The following HS1BP3 variants were observed in gnomAD, a reference collection of about 807,000 sequenced individuals.
The protein encoded by HS1BP3 is HCLS1-binding protein 3.
A neutral mutation model predicts 33.5 loss-of-function variants in HS1BP3; 32 were observed. The ratio of observed to expected loss-of-function variants is 0.95; its 90% confidence interval spans 0.72 to 1.28. The LOEUF is 1.28. Ranked by LOEUF, HS1BP3 falls within the 50% of genes most tolerant of loss-of-function variation. HS1BP3 has a pLI of 0.00. For synonymous variants in HS1BP3, 187 were observed against 209.2 expected (o/e 0.89, Z 0.92); for missense variants, 486 against 502.3 (o/e 0.97, Z 0.31).
intron 4 of HS1BP3, among the ~76,000 whole-genome samples, chr2:20,629,241 T>G (rs1177546425): frequency 6.6e-6 from 1 of 152,132 alleles, no homozygotes; most frequent in African/African-American, 2.4e-5. Flanking sequence ...GTCATGAACA[T>G]GGAGTCGGGT....
At chr2:20,617,804 A>G (rs1390023521), downstream of HS1BP3, 1 of 152,618 alleles carries the variant, frequency 6.6e-6, no homozygotes, top group Non-Finnish European at 1.5e-5. Context: ...ATGAAGAATT[A>G]TATCCAAGAA....
chr2:20,587,652 A>C (rs1429556301), downstream of HS1BP3, among the ~76,000 whole-genome samples: 1 of 152,240 alleles, frequency 6.6e-6, no homozygotes, highest in African/African-American at 2.4e-5. Flanking sequence ...AGGCCGAGGC[A>C]GGAGAAGGGC....
intron 3 of HS1BP3, among the ~76,000 whole-genome samples, chr2:20,595,622 C>T (rs1020412156): frequency 2.0e-5 from 3 of 152,364 alleles, no homozygotes; most frequent in East Asian, 3.9e-4. Context: ...CTCTGTGCTG[C>T]GGCCCTTCCT....
chr2:20,608,892 C>A (rs898313216), intron 2 of HS1BP3, among the ~76,000 whole-genome samples: 1 of 152,206 alleles, frequency 6.6e-6, no homozygotes, highest in Non-Finnish European at 1.5e-5. Context: ...ACTAGTCATG[C>A]ATCTCTCCTC....
At chr2:20,586,275 C>A (rs924555871) in intron 5 of HS1BP3, 1 of 152,100 alleles carries the variant, frequency 6.6e-6, no homozygotes, top group African/African-American at 2.4e-5. Context: ...ATTTTTTTGG[C>A]GGGAAAGATC....
At chr2:20,595,233 C>T (rs946163088) in intron 3 of HS1BP3, among the ~76,000 whole-genome samples, 8 of 152,134 alleles carry the variant, frequency 5.3e-5, no homozygotes, top group South Asian at 2.1e-4. Flanking sequence ...CCCACAGAAA[C>T]GCCATGGCCC....
At chr2:20,639,206 TCACTC>T (rs1268479764) in intron 3 of HS1BP3, among the ~76,000 whole-genome samples, 2 of 152,172 alleles carry the variant, frequency 1.3e-5, no homozygotes, top group East Asian at 3.9e-4. Context: ...CAAACGGTAA[TCACTC>T]CATTACAAAC....
chr2:20,609,498 G>A (rs994815337), intron 2 of HS1BP3, among the ~76,000 whole-genome samples: 1 of 152,110 alleles, frequency 6.6e-6, no homozygotes, highest in East Asian at 1.9e-4. Flanking sequence ...ACAGTTTTCC[G>A]AATACTGAGG....
intron 6 of HS1BP3, among the ~76,000 whole-genome samples, chr2:20,621,802 T>A (rs56203116): frequency 0.17 from 25,934 of 152,290 alleles, 2,486 homozygotes; most frequent in Non-Finnish European, 0.21. Context: ...TCAGCCACGG[T>A]GGGAGGCAGC....
At chr2:20,628,416 C>T (rs1037399206) in intron 4 of HS1BP3, among the ~76,000 whole-genome samples, 4 of 152,056 alleles carry the variant, frequency 2.6e-5, no homozygotes, top group South Asian at 2.1e-4. Context: ...AAAAAGTTTA[C>T]GGGAGGCCAG....
chr2:20,611,047 T>A lies in HS1BP3; in HGVS notation c.179-12782A>T, dbSNP rs1463547950. Reference sequence around the variant, plus strand: ...TTTCTAGGGTTTCATATATGTGGGATCATACAAGATATAGTTTTGGGGTCT... The same window carrying A: ...TTTCTAGGGTTTCATATATGTGGGAACATACAAGATATAGTTTTGGGGTCT... On this transcript the variant is annotated intron_variant, in intron 2 of 3. Transcript: ENST00000415264. This position sits in a 1 kb window ranked among gnomAD's most constrained non-coding sequence, Gnocchi z 4.9. 1.3e-5 allele frequency among the ~76,000 whole-genome samples: 2 copies of A among 152,238 alleles called. No individual in the cohort carries two copies. The highest frequency in any genetic ancestry group is 4.8e-5 in the African/African-American group (2 of 41,470).
chr2:20,599,305 G>A (rs962618756), intron 2 of HS1BP3, among the ~76,000 whole-genome samples: 11 of 152,230 alleles, frequency 7.2e-5, no homozygotes, highest in African/African-American at 2.7e-4. Flanking sequence ...CTGGAGCAGG[G>A]AAGTACATCC....
At chr2:20,615,530 C>T (rs528185676), downstream of HS1BP3, among the ~76,000 whole-genome samples, 207 of 152,360 alleles carry the variant, frequency 1.4e-3, no homozygotes, top group African/African-American at 4.6e-3. Context: ...AGGCTCTGAG[C>T]ATTGACTATG....
intron 2 of HS1BP3, among the ~76,000 whole-genome samples, chr2:20,609,950 C>T (rs953909940): frequency 1.3e-5 from 2 of 152,208 alleles, no homozygotes; most frequent in South Asian, 4.1e-4. Context: ...TGGGGGCTAT[C>T]ACCAAAGGTG....
At chr2:20,582,996 C>G (rs71435579) in intron 5 of HS1BP3, among the ~76,000 whole-genome samples, 1 of 152,190 alleles carries the variant, frequency 6.6e-6, no homozygotes, top group African/African-American at 2.4e-5. Flanking sequence ...TCCTCACACC[C>G]TGGGCCTACC....
intron 3 of HS1BP3, among the ~76,000 whole-genome samples, chr2:20,595,894 G>A (rs1693932139): frequency 6.6e-6 from 1 of 152,218 alleles, no homozygotes; most frequent in Non-Finnish European, 1.5e-5. Flanking sequence ...AGGAGACAGA[G>A]CCTTAGACTA....
At chr2:20,589,302 C>G (rs926464640), downstream of HS1BP3, among the ~76,000 whole-genome samples, 7 of 152,238 alleles carry the variant, frequency 4.6e-5, no homozygotes, top group Non-Finnish European at 8.8e-5. Flanking sequence ...GTGCCAATGT[C>G]TCTCTGAAAC....
intron 5 of HS1BP3, among the ~76,000 whole-genome samples, chr2:20,571,881 A>G (rs529610609): frequency 2.9e-4 from 44 of 152,348 alleles, no homozygotes; most frequent in Non-Finnish European, 5.4e-4. Flanking sequence ...CTCAGGTGAC[A>G]TGGTCCTGCC....
At chr2:20,554,239 T>C in the HS1BP3 span, among the ~76,000 whole-genome samples, 14 of 152,318 alleles carry the variant, frequency 9.2e-5, no homozygotes, top group East Asian at 2.5e-3. Flanking sequence ...AAGCAGTCAG[T>C]GCCTCACTTG....
Sources: gnomAD v4.1 joint callset for allele counts (sites outside exome capture counted in the v4.1 genomes callset) on GRCh38, gnomAD v4.1.1 for gene constraint, Gnocchi (gnomAD v3.1) non-coding constraint, MANE v1.5 for transcripts, NCBI Gene and HGNC (gene_info 2026-07-23, HGNC 2026-07-21) for gene names.